Variants in OLFM1 observed in about 807,000 individuals in gnomAD.
OLFM1 encodes olfactomedin 1.
Under a neutral mutation model 49.7 loss-of-function variants are expected in OLFM1, and 9 were observed. The ratio of observed to expected loss-of-function variants is 0.18; its 90% CI spans 0.11 to 0.32. The LOEUF is 0.32. Among genes scored for constraint, OLFM1 ranks in the 10% least tolerant of loss-of-function variants. The pLI is 1.00. For missense variants in OLFM1, 369 were observed against 661.8 expected (o/e 0.56, Z 4.85); for synonymous variants, 240 against 271.8 (o/e 0.88, Z 1.15).
chr9:135,104,897 G>C (rs557350165), intron 4 of OLFM1, among the ~76,000 whole-genome samples: 1 of 152,324 alleles, frequency 6.6e-6, no homozygotes, highest in African/African-American at 2.4e-5. Context: ...GAAAATCTGG[G>C]CCGGGCTCTC....
chr9:135,086,930 G>A (rs568912129), upstream of OLFM1, among the ~76,000 whole-genome samples: 5 of 152,170 alleles, frequency 3.3e-5, no homozygotes, highest in South Asian at 8.3e-4. Flanking sequence ...GGTCCCTTCA[G>A]CTCCTGAGGT....
At chr9:135,084,365 C>T (rs566399705), upstream of OLFM1, among the ~76,000 whole-genome samples, 78 of 143,210 alleles carry the variant, frequency 5.4e-4, no homozygotes, top group African/African-American at 1.9e-3. This position sits in a 1 kb window ranked among gnomAD's most constrained non-coding sequence, Gnocchi z 4.6. Context: ...CTCCTCTCTC[C>T]GTCTCTTCTC....
At chr9:135,077,712 G>A (rs1023415750) in intron 1 of OLFM1, among the ~76,000 whole-genome samples, 1 of 152,220 alleles carries the variant, frequency 6.6e-6, no homozygotes, top group African/African-American at 2.4e-5. Context: ...TGTCTCAGGG[G>A]AATGTGTCCC....
rs1266345212 is a variant in OLFM1 at position 135,112,350 on chromosome 9, T to C, written c.783+5495T>C. 2.0e-5 allele frequency among the ~76,000 whole-genome samples: 3 copies of C among 151,778 alleles called. No homozygotes were observed. In the East Asian group the frequency reaches 5.8e-4, roughly 29 times the overall value. On this transcript the variant is annotated intron_variant, in intron 5 of 5. Transcript: ENST00000371793. ...CCCTCCAGGCTGCACTGGCCTTCTG[T>C]TCCCAGAATGTTCTCTCTGGTCTCC...
rs1830683555 is a variant in OLFM1, at chr9:135,091,430, A to C, written c.300+1086A>C. Among the ~76,000 whole-genome samples, 2 of 150,606 alleles carry C rather than the reference A, an allele frequency of 1.3e-5. 1 individual carries two copies. Among genetic ancestry groups the C allele is most frequent in the East Asian group, 3.9e-4 (2 of 5,142 alleles). ...CACACCACACACACGCACACTCACA[A>C]ACACACTCACACATAGTCACACACA... On this transcript the variant is annotated intron_variant, in intron 2 of 5. Coordinates refer to ENST00000371793, the MANE Select transcript of OLFM1 (RefSeq NM_001282611.2).
At chr9:135,110,518 A>G (rs1473239447) in intron 5 of OLFM1, among the ~76,000 whole-genome samples, 1 of 152,188 alleles carries the variant, frequency 6.6e-6, no homozygotes, top group Non-Finnish European at 1.5e-5. Context: ...CCATCTAGAT[A>G]TTTTATAAGG....
At chr9:135,083,734 C>T (rs903188010), upstream of OLFM1, among the ~76,000 whole-genome samples, 1 of 152,238 alleles carries the variant, frequency 6.6e-6, no homozygotes, top group East Asian at 1.9e-4. Context: ...ACCTCTGGCT[C>T]ACATGTCCTG....
chr9:135,119,398 G>A, intron 5 of OLFM1, 106 bp from the exon 6 acceptor site: 2 of 928,532 alleles, frequency 2.2e-6, no homozygotes, highest in South Asian at 3.2e-5. Flanking sequence ...GGAGTGCTCA[G>A]TGGGTCTTTG....
intron 1 of OLFM1, among the ~76,000 whole-genome samples, chr9:135,079,201 G>C (rs147526283): frequency 6.6e-6 from 1 of 152,188 alleles, no homozygotes; most frequent in Non-Finnish European, 1.5e-5. Context: ...TGTCTGCACC[G>C]AGTGCTCTGG....
rs1831181634 is a variant in OLFM1, at chr9:135,121,139, A to T, written c.*961A>T. ...AGTAAAAAACAAAGGCAAACTTTGT[A>T]CTATCCAGTTATCTAAGGAACAATA... On this transcript the variant is annotated 3_prime_UTR_variant, in exon 6 of 6. Transcript: ENST00000371793. The T allele has an allele frequency of 6.6e-6, 1 of 152,242 alleles. No homozygotes were observed. Among genetic ancestry groups the T allele is most frequent in the Non-Finnish European group, 1.5e-5 (1 of 68,036 alleles). 9.4% of individuals were successfully genotyped at this position (152,242 alleles called of 1,614,324 possible). A position where few individuals can be genotyped will look rare whatever the true frequency, so the allele number is the denominator to read the frequency against.
At position 135,087,886 on chromosome 9, in the gene OLFM1, C is replaced by A; in HGVS notation, c.-104C>A. 1 of 1,053,274 alleles carries A rather than the reference C, an allele frequency of 9.5e-7. No homozygotes were observed. The highest frequency in any genetic ancestry group is 1.1e-6 in the Non-Finnish European group (1 of 873,454). The allele number at this position is 1,053,274 out of a possible 1,614,324, so 65.2% of individuals were successfully genotyped here. A position where few individuals can be genotyped will look rare whatever the true frequency, so the allele number is the denominator to read the frequency against. On this transcript the variant is annotated 5_prime_UTR_variant, in exon 1 of 6. Transcript: ENST00000371793. Reference sequence around the variant, plus strand: ...GGCGGGCCGAGGGGGCGCGGGGACACAGCCAGGCGCCCCTGCCCGCCGCGG... The same window carrying A: ...GGCGGGCCGAGGGGGCGCGGGGACAAAGCCAGGCGCCCCTGCCCGCCGCGG...
Position 135,088,200 on chromosome 9 carries a change from C to G in OLFM1, c.150+61C>G. On this transcript the variant is annotated intron_variant, in intron 1 of 5. Coordinates refer to ENST00000371793, the MANE Select transcript of OLFM1 (RefSeq NM_001282611.2). This position sits in a 1 kb window ranked among gnomAD's most constrained non-coding sequence, Gnocchi z 4.8. ...TCCTCCTCCTCCTCCTCCCCCTCCT[C>G]GGTCCGGAGCCCCGGGCTGGGCGGG... is the stretch of plus-strand genomic sequence containing the variant. The G allele has an allele frequency of 1.6e-6, 2 of 1,227,502 alleles. No individual in the cohort carries two copies. Among genetic ancestry groups the G allele is most frequent in the Non-Finnish European group, 2.0e-6 (2 of 976,782 alleles). The allele number at this position is 1,227,502 out of a possible 1,614,324, so 76.0% of individuals were successfully genotyped here. A position where few individuals can be genotyped will look rare whatever the true frequency, so the allele number is the denominator to read the frequency against.
chr9:135,104,984 G>A (rs1830921253), intron 4 of OLFM1, among the ~76,000 whole-genome samples: 3 of 152,238 alleles, frequency 2.0e-5, no homozygotes, highest in South Asian at 2.1e-4. Flanking sequence ...ACGCCGGTCA[G>A]CTGTGGCCAT....
At chr9:135,114,778 C>T (rs927899279) in intron 5 of OLFM1, among the ~76,000 whole-genome samples, 2 of 152,122 alleles carry the variant, frequency 1.3e-5, no homozygotes, top group East Asian at 1.9e-4. Flanking sequence ...ACAGGCTGGA[C>T]CGGCATTCTA....
chr9:135,107,222 C>A (rs80323991), intron 5 of OLFM1, among the ~76,000 whole-genome samples: 1 of 152,236 alleles, frequency 6.6e-6, no homozygotes, highest in Non-Finnish European at 1.5e-5. Flanking sequence ...CTGACTTTTC[C>A]GGTCCTTGCA....
intron 5 of OLFM1, among the ~76,000 whole-genome samples, chr9:135,118,580 G>GA (rs1831133125): frequency 6.7e-6 from 1 of 148,340 alleles, no homozygotes; most frequent in South Asian, 2.2e-4. Flanking sequence ...TGGGTCTTTG[G>GA]AGTGCTTGCT....
chr9:135,079,775 G>A (rs904479440), intron 1 of OLFM1, among the ~76,000 whole-genome samples: 13 of 152,142 alleles, frequency 8.5e-5, no homozygotes, highest in Non-Finnish European at 1.0e-4. Flanking sequence ...GCATCCCCAG[G>A]CCGGGCCTGG....
chr9:135,086,918 G>C (rs1005838300), upstream of OLFM1, among the ~76,000 whole-genome samples: 8 of 151,978 alleles, frequency 5.3e-5, no homozygotes, highest in Admixed American at 2.0e-4. Flanking sequence ...GTTCATGGGC[G>C]TGGTCCCTTC....
intron 1 of OLFM1, chr9:135,077,483 G>C (rs1295578692): frequency 2.4e-6 from 1 of 422,244 alleles, no homozygotes; most frequent in Non-Finnish European, 4.0e-6. Context: ...AGTGGTGAAA[G>C]TATTTGTCCA....
Sources: gnomAD v4.1 joint callset for allele counts (sites outside exome capture counted in the v4.1 genomes callset) on GRCh38, gnomAD v4.1.1 for gene constraint, Gnocchi (gnomAD v3.1) non-coding constraint, MANE v1.5 for transcripts, NCBI Gene and HGNC (gene_info 2026-07-23, HGNC 2026-07-21) for gene names.